The following VPS51 variants were observed in gnomAD, a reference collection of about 807,000 sequenced individuals.
VPS51 encodes the protein VPS51 subunit of GARP complex, also known as vacuolar protein sorting-associated protein 51 homolog.
VPS51 carries 55 observed loss-of-function variants against 65.1 expected under a neutral mutation model. The ratio of observed to expected loss-of-function variants is 0.84; its 90% CI spans 0.68 to 1.06. The LOEUF is 1.06. Ranked by LOEUF, VPS51 falls within the 50% of genes least tolerant of loss-of-function variation. The pLI is 0.00. For synonymous variants in VPS51, 473 were observed against 489.5 expected (o/e 0.97, Z 0.44); for missense variants, 943 against 1,101.6 (o/e 0.86, Z 2.04).
At position 65,097,011 on chromosome 11, in the gene VPS51, G is replaced by A. The variant is rs770416035; in HGVS notation, c.242G>A (p.Cys81Tyr). ...CAACTTCTTCAGCTGCGTAGAGAGT[G>A]CCCTCTGGCCCAGTTGATGGACAGT... is the stretch of plus-strand genomic sequence containing the variant. ...EVYLDKLRRE[C>Y]PLAQLMDSET... Residue 81 changes from cysteine (C) to tyrosine (Y), a missense_variant, in exon 2 of 10, where the codon TGC becomes TAC. Cys to Tyr is a radical substitution (Grantham distance 194). This residue lies in a region of VPS51 where 855 missense variants were observed against 953.7 expected (regional missense o/e 0.90). Transcript: ENST00000279281. The A allele has an allele frequency of 4.9e-5, 79 of 1,613,588 alleles. 2 individuals are homozygous for A. Among genetic ancestry groups the A allele is most frequent in the Non-Finnish European group, 1.4e-5 (17 of 1,180,040 alleles).
At chr11:65,102,960 A>C (rs966899691) in intron 2 of VPS51, among the ~76,000 whole-genome samples, 18 of 152,198 alleles carry the variant, frequency 1.2e-4, no homozygotes, top group Admixed American at 2.0e-4. Flanking sequence ...TGGGCAACAT[A>C]GAGAGACCCC....
At chr11:65,109,569 G>A in intron 6 of VPS51, 74 bp downstream of exon 6, 1 of 1,565,718 alleles carries the variant, frequency 6.4e-7, no homozygotes, top group Non-Finnish European at 8.6e-7. Flanking sequence ...TGCCCTCATG[G>A]CCAGACCCCA....
chr11:65,110,323 A>G, intron 7 of VPS51, 159 bp from the exon 8 acceptor site: 2 of 1,284,680 alleles, frequency 1.6e-6, no homozygotes, highest in Non-Finnish European at 2.2e-6. Context: ...CACTGGTTCT[A>G]TAAATAGCGA....
In VPS51 at chr11:65,107,531, C is replaced by T; in HGVS notation, c.359-50C>T. Reference sequence around the variant, plus strand: ...GGGTGAGAAGGAGCTGAGGTTGCGCCCGCCCTGCAGTCACCTGCTCTCCCC... The same window carrying T: ...GGGTGAGAAGGAGCTGAGGTTGCGCTCGCCCTGCAGTCACCTGCTCTCCCC... On this transcript the variant is annotated intron_variant, in intron 2 of 9. Transcript: ENST00000279281. This position sits in a 1 kb window ranked among gnomAD's most constrained non-coding sequence, Gnocchi z 4.0. The T allele has an allele frequency of 6.5e-7, 1 of 1,539,186 alleles. No homozygotes were observed. The highest frequency in any genetic ancestry group is 1.9e-5 in the Admixed American group (1 of 52,394).
At chr11:65,108,065 G>T in intron 4 of VPS51, 43 bp downstream of exon 4, 8 of 1,489,266 alleles carry the variant, frequency 5.4e-6, no homozygotes, top group South Asian at 1.3e-5. Context: ...CGCCAGCCCC[G>T]AGCCCCATCT....
Position 65,111,343 on chromosome 11 carries a change from GCAT to G in VPS51, c.2111_2113del (p.Ile704del), listed in dbSNP as rs757437024. ...TGCCTGCAGGTGTCGGTGCTGACCG[GCAT>G]CATCAAGATCAGCCTGAAGACGCTG... On this transcript the variant is annotated inframe_deletion, in exon 10 of 10. Transcript: ENST00000279281. 1.9e-6 allele frequency: 3 copies of G among 1,604,998 alleles called. No individual in the cohort carries two copies. Among genetic ancestry groups the G allele is most frequent in the South Asian group, 1.1e-5 (1 of 91,080 alleles).
Position 65,111,814 on chromosome 11 carries a change from G to A in VPS51, c.*227G>A, listed in dbSNP as rs1416053426. ...CGAGCGCCGATTGGCTGGTGTGCTG[G>A]GCCCAGCATGGGCAGGGGGCGGTTC... On this transcript the variant is annotated 3_prime_UTR_variant, in exon 10 of 10. Coordinates refer to ENST00000279281, the MANE Select transcript of VPS51 (RefSeq NM_013265.4). 1 of 927,066 alleles carries A rather than the reference G, an allele frequency of 1.1e-6. No homozygotes were observed. Among genetic ancestry groups the A allele is most frequent in the Non-Finnish European group, 1.6e-6 (1 of 631,060 alleles). The allele number at this position is 927,066 out of a possible 1,614,324, so 57.4% of individuals were successfully genotyped here.
intron 2 of VPS51, among the ~76,000 whole-genome samples, chr11:65,103,826 C>T (rs1947824610): frequency 6.6e-6 from 1 of 151,862 alleles, no homozygotes; most frequent in Non-Finnish European, 1.5e-5. Flanking sequence ...ATACCTCTTT[C>T]AATCTTTGAC....
Position 65,110,746 on chromosome 11 carries a change from C to T in VPS51, c.2053C>T (p.Arg685Cys). The part of the protein sequence containing the change: ...LSNIQKLFSE[R>C]IDVFSPVEFN... ...CAATATCCAGAAGCTATTCTCTGAACGTATTGATGTGTTCAGCCCTGTGGA... is the reference window on the plus strand; with the variant it reads ...CAATATCCAGAAGCTATTCTCTGAATGTATTGATGTGTTCAGCCCTGTGGA... The change falls in exon 9 of 10, where the codon CGT becomes TGT. Residue 685 changes from arginine (R) to cysteine (C), a missense_variant. This residue lies in a region of VPS51 where 88 missense variants were observed against 147.8 expected (regional missense o/e 0.60). Coordinates refer to ENST00000279281, the MANE Select transcript of VPS51 (RefSeq NM_013265.4). 3 of 1,614,148 alleles carry T rather than the reference C, an allele frequency of 1.9e-6. No individual in the cohort carries two copies. Among genetic ancestry groups the T allele is most frequent in the Non-Finnish European group, 2.5e-6 (3 of 1,180,024 alleles).
chr11:65,096,971 C>T (rs756337621), intron 1 of VPS51, 27 bp from the exon 2 acceptor site: 14 of 1,611,938 alleles, frequency 8.7e-6, no homozygotes, highest in Non-Finnish European at 1.2e-5. Flanking sequence ...CCTCCTGACC[C>T]GAACACTAAC....
In VPS51 at chr11:65,108,521, G is replaced by A. The variant is rs1260417785; in HGVS notation, c.1050G>A (p.Ala350=). The part of the protein sequence containing the change: ...FARQLGSRYF[A]LVERRLAQEQ... ...GGCAGCTGGGCAGCCGCTATTTTGC[G>A]CTGGTGGAGCGGCGGCTGGCGCAGG... Residue 350 remains alanine, a synonymous_variant, in exon 5 of 10, where the codon GCG becomes GCA. Transcript: ENST00000279281. 5 of 1,594,306 alleles carry A rather than the reference G, an allele frequency of 3.1e-6. No homozygotes were observed. The highest frequency in any genetic ancestry group is 1.3e-5 in the African/African-American group (1 of 74,902).
chr11:65,098,216 C>G (rs1052073903), intron 2 of VPS51, among the ~76,000 whole-genome samples: 1 of 152,044 alleles, frequency 6.6e-6, no homozygotes, highest in African/African-American at 2.4e-5. Flanking sequence ...TCCCTGACAT[C>G]AAGGAAACCT....
At position 65,109,694 on chromosome 11, in the gene VPS51, C is replaced by T. The variant is rs1031395019; in HGVS notation, c.1660-11C>T. ...TACCCACTCCCTCTGTCCTCTGCCT[C>T]CTTGGCTCAGGATCAGTTCCCAGTG... On this transcript the variant is annotated splice_polypyrimidine_tract_variant and intron_variant, in intron 6 of 9. Transcript: ENST00000279281. 2 of 1,555,224 alleles carry T rather than the reference C, an allele frequency of 1.3e-6. No individual in the cohort carries two copies. Among genetic ancestry groups the T allele is most frequent in the Non-Finnish European group, 1.7e-6 (2 of 1,148,338 alleles).
rs1203313982 is a variant in VPS51, at chr11:65,096,430, G to A, written c.180G>A (p.Pro60=). The change falls in exon 1 of 10, where the codon CCG becomes CCA. Residue 60 remains proline, a synonymous_variant. Transcript: ENST00000279281. The stretch of plus-strand genomic sequence containing the variant: ...CCGCGGGGCCCGACCCCCTGGACCC[G>A]ACTGATCTGAACGGGGCGCACTTCG... The part of the protein sequence containing the change: ...GRPAGPDPLD[P]TDLNGAHFDP... 6.5e-7 allele frequency: 1 copy of A among 1,527,844 alleles called. No individual in the cohort carries two copies. 94.6% of individuals were successfully genotyped at this position (1,527,844 alleles called of 1,614,324 possible).
At chr11:65,097,974 G>A (rs1416836074) in intron 2 of VPS51, among the ~76,000 whole-genome samples, 1 of 152,136 alleles carries the variant, frequency 6.6e-6, no homozygotes, top group African/African-American at 2.4e-5. Flanking sequence ...CTGAGGTCAG[G>A]AGTTCGAGAC....
intron 2 of VPS51, among the ~76,000 whole-genome samples, chr11:65,103,724 G>A (rs759947068): frequency 5.3e-5 from 8 of 152,134 alleles, no homozygotes; most frequent in South Asian, 2.1e-4. Context: ...AGGTGTGGGT[G>A]TGTGAAGGCT....
At chr11:65,103,788 G>A (rs1015654335) in intron 2 of VPS51, among the ~76,000 whole-genome samples, 1 of 151,812 alleles carries the variant, frequency 6.6e-6, no homozygotes, top group African/African-American at 2.4e-5. Context: ...ATGCTGATCA[G>A]TTTGCATAAC....
Position 65,096,214 on chromosome 11 carries a change from C to G in VPS51, c.-37C>G. On this transcript the variant is annotated 5_prime_UTR_variant, in exon 1 of 10. Coordinates refer to ENST00000279281, the MANE Select transcript of VPS51 (RefSeq NM_013265.4). ...GAAGTGCCTCCTCCCCGTCCCCTTC[C>G]TTTCCAGCCTCACGCCCGTGGGCTG... is the stretch of plus-strand genomic sequence containing the variant. The G allele has an allele frequency of 2.0e-6, 3 of 1,512,860 alleles. No homozygotes were observed. The highest frequency in any genetic ancestry group is 2.7e-6 in the Non-Finnish European group (3 of 1,126,706). The allele number at this position is 1,512,860 out of a possible 1,614,324, so 93.7% of individuals were successfully genotyped here.
chr11:65,109,556 C>T (rs1476200443), intron 6 of VPS51, 61 bp downstream of exon 6: 2 of 1,581,014 alleles, frequency 1.3e-6, no homozygotes, highest in Non-Finnish European at 1.7e-6. Context: ...GATGGCTGGA[C>T]AGTGCCCTCA....
Sources: allele counts gnomAD v4.1 joint callset (sites outside exome capture counted in the v4.1 genomes callset), GRCh38; gene constraint gnomAD v4.1.1; regional missense constraint gnomAD v4.1.1; non-coding constraint Gnocchi (gnomAD v3.1); transcripts MANE v1.5; gene names NCBI Gene and HGNC (gene_info 2026-07-23, HGNC 2026-07-21).